Variants in LSAMP observed in about 807,000 individuals in gnomAD.
LSAMP encodes limbic system associated membrane protein.
Under a neutral mutation model 38.6 loss-of-function variants are expected in LSAMP, and 7 were observed. The ratio of observed to expected loss-of-function variants is 0.18; its 90% CI spans 0.10 to 0.34. The LOEUF is 0.34. Ranked by LOEUF, LSAMP falls within the 10% of genes least tolerant of loss-of-function variation. The pLI, the probability that LSAMP is intolerant of heterozygous loss-of-function variation, is 1.00. For synonymous variants in LSAMP, 154 were observed against 166.8 expected, an observed-to-expected ratio of 0.92 and a Z score of 0.59; for missense variants, 313 against 420.0, an observed-to-expected ratio of 0.75 and a Z score of 2.23.
rs2289270 is a variant in LSAMP at position 115,810,070 on chromosome 3, T to C, written c.*247A>G. The C allele has an allele frequency of 0.3, 133,146 of 445,878 alleles. 20,845 individuals are homozygous for C. Among genetic ancestry groups the C allele is most frequent in the African/African-American group, 0.38 (19,060 of 50,010 alleles). 27.6% of individuals were successfully genotyped at this position (445,878 alleles called of 1,614,324 possible). A position where few individuals can be genotyped will look rare whatever the true frequency, so the allele number is the denominator to read the frequency against. On this transcript the variant is annotated 3_prime_UTR_variant, in exon 7 of 7. Transcript: ENST00000490035. ...TACATTTGCTTAGTAGATATAAACA[T>C]ATCCCAGTAGAACCTTCTCCATCCT...
At chr3:116,103,340 G>A (rs1708388787) in intron 1 of LSAMP, among the ~76,000 whole-genome samples, 2 of 151,766 alleles carry the variant, frequency 1.3e-5, no homozygotes. Context: ...AGTGTCACAT[G>A]ATTATAGTCC....
At chr3:115,914,062 A>G (rs1937193115) in intron 3 of LSAMP, among the ~76,000 whole-genome samples, 1 of 152,234 alleles carries the variant, frequency 6.6e-6, no homozygotes, top group African/African-American at 2.4e-5. Context: ...TAAGTTTCAT[A>G]AGATAATCAT....
chr3:116,434,064 C>G (rs993922193), intron 1 of LSAMP, among the ~76,000 whole-genome samples: 1 of 152,294 alleles, frequency 6.6e-6, no homozygotes, highest in East Asian at 1.9e-4. Flanking sequence ...AACCAAATCT[C>G]TTTACCGTAC....
At chr3:116,259,096 A>T (rs997511375) in intron 1 of LSAMP, among the ~76,000 whole-genome samples, 2 of 152,128 alleles carry the variant, frequency 1.3e-5, no homozygotes, top group African/African-American at 2.4e-5. Context: ...ACACTGTTCA[A>T]CATATTCAGT....
intron 1 of LSAMP, among the ~76,000 whole-genome samples, chr3:116,181,484 A>C (rs989881954): frequency 2.4e-4 from 36 of 152,166 alleles, no homozygotes; most frequent in African/African-American, 8.4e-4. Flanking sequence ...CTACACAGGA[A>C]GTTTATGTCT....
At chr3:116,079,116 T>TATC (rs1440303887) in intron 2 of LSAMP, among the ~76,000 whole-genome samples, 1 of 152,230 alleles carries the variant, frequency 6.6e-6, no homozygotes, top group Non-Finnish European at 1.5e-5. Context: ...ACATTTATAC[T>TATC]ATCTTCTCCA....
chr3:116,194,230 C>A (rs1014914972), intron 1 of LSAMP, among the ~76,000 whole-genome samples: 2 of 152,094 alleles, frequency 1.3e-5, no homozygotes, highest in African/African-American at 4.8e-5. Context: ...TCATGGCTCC[C>A]ATGGGAGACC....
chr3:116,369,199 A>G (rs1484358685), intron 1 of LSAMP, among the ~76,000 whole-genome samples: 1 of 152,210 alleles, frequency 6.6e-6, no homozygotes. Context: ...TAAGGAATAC[A>G]ACAATAAATA....
chr3:116,249,093 G>A (rs566726748), intron 1 of LSAMP, among the ~76,000 whole-genome samples: 1 of 151,384 alleles, frequency 6.6e-6, no homozygotes, highest in African/African-American at 2.4e-5. Context: ...AGCTTGCAGT[G>A]GGCCAAGATC....
intron 1 of LSAMP, among the ~76,000 whole-genome samples, chr3:116,229,091 T>A (rs534614118): frequency 1.2e-4 from 18 of 152,232 alleles, no homozygotes; most frequent in African/African-American, 4.3e-4. Flanking sequence ...TTTGTAAGCT[T>A]TTTCATGGGA....
intron 1 of LSAMP, among the ~76,000 whole-genome samples, chr3:116,242,048 C>T (rs1359783937): frequency 3.9e-5 from 6 of 152,196 alleles, no homozygotes; most frequent in African/African-American, 1.4e-4. Context: ...TTTCATTCCT[C>T]TCTCAAGTAT....
chr3:116,137,161 A>AT (rs1374266045), intron 1 of LSAMP, among the ~76,000 whole-genome samples: 11 of 149,364 alleles, frequency 7.4e-5, no homozygotes, highest in East Asian at 2.0e-4. Flanking sequence ...TCTTCTTTTT[A>AT]TTTTTTTTTC....
At chr3:115,990,599 G>A (rs944680189) in intron 3 of LSAMP, among the ~76,000 whole-genome samples, 2 of 151,962 alleles carry the variant, frequency 1.3e-5, no homozygotes, top group African/African-American at 2.4e-5. Context: ...ATGTAGCTTG[G>A]TTCTAAGTGG....
At chr3:116,244,021 T>C (rs561691340) in intron 1 of LSAMP, among the ~76,000 whole-genome samples, 2 of 152,332 alleles carry the variant, frequency 1.3e-5, no homozygotes, top group East Asian at 3.9e-4. Flanking sequence ...GTAGGTTTCC[T>C]AAACTTTTAC....
At chr3:116,270,042 C>A (rs780898876) in intron 1 of LSAMP, among the ~76,000 whole-genome samples, 1 of 152,126 alleles carries the variant, frequency 6.6e-6, no homozygotes, top group Non-Finnish European at 1.5e-5. Flanking sequence ...TAATCATCAA[C>A]CCTACCTCCC....
At chr3:116,166,720 CT>C (rs1417267704) in intron 1 of LSAMP, among the ~76,000 whole-genome samples, 2 of 151,688 alleles carry the variant, frequency 1.3e-5, no homozygotes, top group African/African-American at 4.8e-5. Context: ...ATTTTATGAC[CT>C]GATGTCACAT....
intron 1 of LSAMP, among the ~76,000 whole-genome samples, chr3:116,183,626 T>C (rs893532623): frequency 6.6e-6 from 1 of 151,852 alleles, no homozygotes; most frequent in Non-Finnish European, 1.5e-5. Flanking sequence ...CCTAATAAGA[T>C]AGAGTTTCTG....
At chr3:115,907,394 A>G (rs1215274004) in intron 3 of LSAMP, among the ~76,000 whole-genome samples, 3 of 151,676 alleles carry the variant, frequency 2.0e-5, no homozygotes, top group Non-Finnish European at 4.4e-5. Flanking sequence ...GCCCCATTCC[A>G]CAAGTAAGGA....
intron 1 of LSAMP, among the ~76,000 whole-genome samples, chr3:116,130,520 A>G (rs1709101557): frequency 6.6e-6 from 1 of 152,226 alleles, no homozygotes; most frequent in Non-Finnish European, 1.5e-5. Flanking sequence ...TTGTCATTTT[A>G]AAGGCTTCAG....
Sources: gnomAD v4.1 joint callset for allele counts (sites outside exome capture counted in the v4.1 genomes callset) on GRCh38, gnomAD v4.1.1 for gene constraint, MANE v1.5 for transcripts, NCBI Gene and HGNC (gene_info 2026-07-23, HGNC 2026-07-21) for gene names.